The following LRCH3 variants were observed in gnomAD, a reference collection of about 807,000 sequenced individuals.
LRCH3 encodes leucine rich repeats and calponin homology domain containing 3.
In LRCH3, 68 loss-of-function variants were observed where a neutral mutation model predicts 104.5. The ratio of observed to expected loss-of-function variants is 0.65; its 90% CI spans 0.54 to 0.80. LRCH3 has a LOEUF of 0.80. Among genes scored for constraint, LRCH3 ranks in the 30% least tolerant of loss-of-function variants. The probability of loss-of-function intolerance (pLI) is 0.00; values close to 1 mark genes in which losing one functional copy is unlikely to be tolerated. For missense variants in LRCH3, 951 were observed against 953.9 expected (o/e 1.00, Z 0.04); for synonymous variants, 344 against 361.3 (o/e 0.95, Z 0.54).
At chr3:197,826,756 A>C in intron 4 of LRCH3, 122 bp from the exon 5 acceptor site, 1 of 1,215,246 alleles carries the variant, frequency 8.2e-7, no homozygotes, top group Non-Finnish European at 1.2e-6. Context: ...GCTACCAGTT[A>C]ATCACTAAAA....
intron 15 of LRCH3, among the ~76,000 whole-genome samples, chr3:197,865,154 AT>A (rs946316435): frequency 6.6e-6 from 1 of 151,906 alleles, no homozygotes; most frequent in African/African-American, 2.4e-5. Flanking sequence ...TGCCTGACCA[AT>A]TTTTTAGACG....
chr3:197,840,531 G>A (rs1027335087), intron 10 of LRCH3, among the ~76,000 whole-genome samples: 5 of 152,180 alleles, frequency 3.3e-5, no homozygotes, highest in Admixed American at 3.3e-4. Flanking sequence ...TTGAATTCCA[G>A]AATGTTTCTT....
rs779820323 is a variant in LRCH3, at chr3:197,852,613, A to T, written c.1583A>T (p.Asp528Val). The change falls in exon 13 of 21, where the codon GAT (aspartate) becomes GTT (valine). Residue 528 changes from aspartate (D) to valine (V), a missense_variant. Asp to Val is a radical substitution (Grantham distance 152). Transcript: ENST00000425562. ...QKQHPLLDGV[D>V]GECPFPSRRS... ...CAGCACCCGCTCCTAGATGGCGTAG[A>T]TGGTGAGGTAAGTTGATGTAATCTC... 1 of 1,614,062 alleles carries T rather than the reference A, an allele frequency of 6.2e-7. No homozygotes were observed. Among genetic ancestry groups the T allele is most frequent in the Admixed American group, 1.7e-5 (1 of 60,024 alleles).
chr3:197,871,077 C>G (rs933928705), intron 18 of LRCH3, among the ~76,000 whole-genome samples: 5 of 151,304 alleles, frequency 3.3e-5, no homozygotes, highest in Non-Finnish European at 7.4e-5. Flanking sequence ...GAAGGAGAAT[C>G]TAGGTTTTTT....
Position 197,847,440 on chromosome 3 carries a change from C to T in LRCH3, c.1360C>T (p.Leu454=). 4 of 1,600,640 alleles carry T rather than the reference C, an allele frequency of 2.5e-6. No homozygotes were observed. Among genetic ancestry groups the T allele is most frequent in the Non-Finnish European group, 8.5e-7 (1 of 1,175,132 alleles). ...AGCTGAGCCATCTTCCCTCCTGTCA[C>T]TATCAGCAAGTCACAATCAGGTAAT... The part of the protein sequence containing the change: ...VPAEPSSLLS[L]SASHNQLSHT... Residue 454 remains leucine, a synonymous_variant, in exon 11 of 21, where the codon CTA becomes TTA. Coordinates refer to ENST00000425562, the MANE Select transcript of LRCH3 (RefSeq NM_001365715.1).
intron 6 of LRCH3, 76 bp downstream of exon 6, chr3:197,829,749 T>C (rs1440122101): frequency 1.3e-5 from 13 of 1,000,248 alleles, no homozygotes; most frequent in Non-Finnish European, 1.9e-5. Flanking sequence ...TAAATTTGCC[T>C]GAATGTTTGA....
intron 9 of LRCH3, among the ~76,000 whole-genome samples, chr3:197,838,329 G>A (rs530755883): frequency 6.6e-6 from 1 of 152,232 alleles, no homozygotes; most frequent in Non-Finnish European, 1.5e-5. Context: ...TTGTAGAATT[G>A]TAGTTTATTA....
chr3:197,882,404 GTATT>G, intron 20 of LRCH3: 1 of 976,042 alleles, frequency 1.0e-6, no homozygotes, highest in Non-Finnish European at 1.2e-6. Context: ...ATCAAAATAA[GTATT>G]AAATAAAAAG....
At chr3:197,879,819 C>A (rs1713441685) in intron 20 of LRCH3, among the ~76,000 whole-genome samples, 1 of 150,792 alleles carries the variant, frequency 6.6e-6, no homozygotes, top group Non-Finnish European at 1.5e-5. Flanking sequence ...TTCGTCCTTG[C>A]TTTCTGACCT....
chr3:197,799,313 G>A (rs898566263), intron 1 of LRCH3, among the ~76,000 whole-genome samples: 2 of 152,194 alleles, frequency 1.3e-5, no homozygotes, highest in African/African-American at 4.8e-5. Context: ...TGGGAAAAAT[G>A]TATGGTCAAT....
chr3:197,791,270 G>A lies in LRCH3; in HGVS notation c.-9G>A. 1 of 1,608,284 alleles carries A rather than the reference G, an allele frequency of 6.2e-7. No homozygotes were observed. Among genetic ancestry groups the A allele is most frequent in the Non-Finnish European group, 8.5e-7 (1 of 1,178,590 alleles). On this transcript the variant is annotated 5_prime_UTR_variant, in exon 1 of 21. Coordinates refer to ENST00000425562, the MANE Select transcript of LRCH3 (RefSeq NM_001365715.1). ...TGAGCTGGCGGGCCCGAGTGTTGTC[G>A]GCTGGGAAATGGCGGCCGCGGGCTT...
intron 9 of LRCH3, among the ~76,000 whole-genome samples, chr3:197,838,503 T>C (rs1050625715): frequency 1.3e-5 from 2 of 152,238 alleles, no homozygotes; most frequent in African/African-American, 4.8e-5. Flanking sequence ...AGATATCCTT[T>C]TTGGGAAAGT....
At chr3:197,839,259 T>C (rs1580744876) in intron 9 of LRCH3, 62 bp from the exon 10 acceptor site, 1 of 1,027,010 alleles carries the variant, frequency 9.7e-7, no homozygotes, top group African/African-American at 1.7e-5. Flanking sequence ...GGATGTGAAC[T>C]GTGTAATCGC....
chr3:197,866,668 A>G (rs1388334834), intron 17 of LRCH3, among the ~76,000 whole-genome samples: 3 of 152,200 alleles, frequency 2.0e-5, no homozygotes, highest in Non-Finnish European at 4.4e-5. Context: ...AGTCAAAAAT[A>G]ACAACTTTTA....
intron 19 of LRCH3, among the ~76,000 whole-genome samples, chr3:197,875,307 C>A (rs1712756461): frequency 6.6e-6 from 1 of 152,194 alleles, no homozygotes; most frequent in Admixed American, 6.5e-5. Flanking sequence ...ACCCCCTAGT[C>A]TACAGCATTG....
intron 7 of LRCH3, chr3:197,831,316 A>G (rs1409352855): frequency 6.5e-6 from 1 of 153,254 alleles, no homozygotes; most frequent in Non-Finnish European, 1.5e-5. Flanking sequence ...TATTGATATT[A>G]TGTTTTCTGC....
intron 20 of LRCH3, chr3:197,882,680 T>C (rs1560067991): frequency 1.0e-6 from 1 of 984,466 alleles, no homozygotes. Context: ...TAAATGCTGT[T>C]CTTAAGATTT....
chr3:197,791,588 G>C (rs1580490975), intron 1 of LRCH3, 48 bp downstream of exon 1: 4 of 1,485,346 alleles, frequency 2.7e-6, no homozygotes, highest in African/African-American at 3.0e-5. Flanking sequence ...CCGGCGCCGG[G>C]AGCCGCCCCG....
intron 1 of LRCH3, among the ~76,000 whole-genome samples, chr3:197,802,586 ATTAG>A (rs1183770403): frequency 6.6e-6 from 1 of 152,052 alleles, no homozygotes; most frequent in African/African-American, 2.4e-5. Context: ...AAGGATTGTT[ATTAG>A]TTCTTCATAT....
Sources: allele counts gnomAD v4.1 joint callset (sites outside exome capture counted in the v4.1 genomes callset), GRCh38; gene constraint gnomAD v4.1.1; transcripts MANE v1.5; gene names NCBI Gene and HGNC (gene_info 2026-07-23, HGNC 2026-07-21).